MALRD1: variants seen among roughly 807,000 people sequenced by gnomAD.
MALRD1 encodes MAM and LDL receptor class A domain containing 1.
Under a neutral mutation model 242.1 loss-of-function variants are expected in MALRD1, and 247 were observed. That is an observed-to-expected ratio of 1.02 (90% CI 0.92 to 1.13). The LOEUF is 1.13. Among genes scored for constraint, MALRD1 ranks in the 50% most tolerant of loss-of-function variants. The pLI is 0.00. For synonymous variants in MALRD1, 995 were observed against 866.6 expected (o/e 1.15, Z -2.60); for missense variants, 2,989 against 2,533.1 (o/e 1.18, Z -3.86).
chr10:19,077,882 T>G (rs542914649), intron 2 of MALRD1, among the ~76,000 whole-genome samples: 1 of 152,082 alleles, frequency 6.6e-6, no homozygotes, highest in East Asian at 1.9e-4. Context: ...ACAATGATAA[T>G]AAAATTCACT....
chr10:19,664,094 A>G (rs888431311), intron 36 of MALRD1, among the ~76,000 whole-genome samples: 2 of 151,996 alleles, frequency 1.3e-5, no homozygotes, highest in Non-Finnish European at 2.9e-5. Context: ...CTCTACCTTC[A>G]GAGTCTTCCA....
chr10:19,578,288 G>T (rs1836929700), intron 33 of MALRD1, among the ~76,000 whole-genome samples: 1 of 152,180 alleles, frequency 6.6e-6, no homozygotes, highest in African/African-American at 2.4e-5. Flanking sequence ...AGCTGAAAAT[G>T]AGGGCCTGGG....
At chr10:19,421,975 A>G (rs1833733998) in intron 28 of MALRD1, among the ~76,000 whole-genome samples, 1 of 152,238 alleles carries the variant, frequency 6.6e-6, no homozygotes, top group South Asian at 2.1e-4. Flanking sequence ...TGATGCAACA[A>G]AAAATAATTA....
At chr10:19,702,222 T>G (rs968979922) in intron 38 of MALRD1, among the ~76,000 whole-genome samples, 1 of 152,210 alleles carries the variant, frequency 6.6e-6, no homozygotes, top group Non-Finnish European at 1.5e-5. Context: ...TTAGGAAATA[T>G]TCAAGTGATA....
chr10:19,096,305 G>T (rs949953709), intron 4 of MALRD1, among the ~76,000 whole-genome samples: 4 of 152,164 alleles, frequency 2.6e-5, no homozygotes, highest in African/African-American at 9.7e-5. Context: ...GGGTGATTCG[G>T]CTGTAGCTGA....
intron 32 of MALRD1, among the ~76,000 whole-genome samples, chr10:19,566,782 A>G (rs900252827): frequency 1.0e-3 from 157 of 151,868 alleles, no homozygotes; most frequent in Non-Finnish European, 5.9e-4. Context: ...TTTAGGTGCA[A>G]AAAGAGAATA....
chr10:19,402,562 C>A (rs1484444791), intron 28 of MALRD1, among the ~76,000 whole-genome samples: 4 of 152,122 alleles, frequency 2.6e-5, no homozygotes, highest in Admixed American at 6.6e-5. Flanking sequence ...AATTAAACTT[C>A]TTTCCTTTAT....
intron 28 of MALRD1, among the ~76,000 whole-genome samples, chr10:19,404,929 T>C (rs970451028): frequency 2.0e-5 from 3 of 152,190 alleles, no homozygotes; most frequent in African/African-American, 7.2e-5. Flanking sequence ...AAAGCAAATG[T>C]ACTAGTTGCT....
chr10:19,680,014 CTGTT>C (rs368662575), intron 36 of MALRD1, among the ~76,000 whole-genome samples: 23 of 151,802 alleles, frequency 1.5e-4, no homozygotes, highest in African/African-American at 4.8e-4. Context: ...GTCTGAGAGA[CTGTT>C]TGTTTCTTTT....
intron 21 of MALRD1, among the ~76,000 whole-genome samples, chr10:19,318,516 G>T (rs1588902327): frequency 7.0e-6 from 1 of 143,308 alleles, no homozygotes. Flanking sequence ...TTACCTTAGG[G>T]TTTTTTTTTT....
chr10:19,620,311 G>A (rs890017863), intron 36 of MALRD1, among the ~76,000 whole-genome samples: 35 of 151,920 alleles, frequency 2.3e-4, no homozygotes, highest in African/African-American at 7.7e-4. Context: ...TATCCTCACC[G>A]TCCTCCCACC....
At chr10:19,279,055 A>G (rs1840678509) in intron 19 of MALRD1, among the ~76,000 whole-genome samples, 1 of 152,116 alleles carries the variant, frequency 6.6e-6, no homozygotes, top group Admixed American at 6.6e-5. Context: ...TAGGCCCAGA[A>G]GCAGCGGCCT....
At position 19,060,242 on chromosome 10, in the gene MALRD1, G is replaced by A. The variant is rs576003378; in HGVS notation, c.200-6477G>A. Among the ~76,000 whole-genome samples the A allele has an allele frequency of 2.8e-4, 42 of 150,432 alleles. 1 individual carries two copies. The highest frequency in any genetic ancestry group is 5.8e-4 in the Non-Finnish European group (39 of 67,144). ...CTTCTGCCCCATGCAGTTGTTTTATGTACGTTATCTTACAGCAGTAAGAGG... is the reference window on the plus strand; with the variant it reads ...CTTCTGCCCCATGCAGTTGTTTTATATACGTTATCTTACAGCAGTAAGAGG... On this transcript the variant is annotated intron_variant, in intron 1 of 39. Coordinates refer to ENST00000454679, the MANE Select transcript of MALRD1 (RefSeq NM_001142308.3).
At chr10:19,176,460 C>T (rs963687000) in intron 14 of MALRD1, among the ~76,000 whole-genome samples, 1 of 141,988 alleles carries the variant, frequency 7.0e-6, no homozygotes, top group African/African-American at 2.6e-5. Flanking sequence ...CTGCAAGCTC[C>T]GCTTCCCGGG....
intron 28 of MALRD1, among the ~76,000 whole-genome samples, chr10:19,428,748 G>A (rs1834001339): frequency 6.6e-6 from 1 of 152,126 alleles, no homozygotes; most frequent in Admixed American, 6.5e-5. Flanking sequence ...ATACTGAAAT[G>A]TTTAAAGTTT....
chr10:19,609,021 A>G (rs559966547), intron 35 of MALRD1, among the ~76,000 whole-genome samples: 3 of 152,248 alleles, frequency 2.0e-5, no homozygotes, highest in Non-Finnish European at 4.4e-5. Context: ...TTATTTACAT[A>G]AAGACAAGAT....
At position 19,639,519 on chromosome 10, in the gene MALRD1, C is replaced by G. The variant is rs574034349; in HGVS notation, c.6137+23596C>G. Among the ~76,000 whole-genome samples, 6 of 152,316 alleles carry G rather than the reference C, an allele frequency of 3.9e-5. No individual in the cohort carries two copies. In the East Asian group the frequency reaches 1.2e-3, roughly 29 times the overall value. ...ATAACACTTCAAAATCGGAGTTTCACTCTGCACAGTATCCCTGAAGGAGTC... is the reference window on the plus strand; with the variant it reads ...ATAACACTTCAAAATCGGAGTTTCAGTCTGCACAGTATCCCTGAAGGAGTC... On this transcript the variant is annotated intron_variant, in intron 36 of 39. Coordinates refer to ENST00000454679, the MANE Select transcript of MALRD1 (RefSeq NM_001142308.3).
intron 32 of MALRD1, among the ~76,000 whole-genome samples, chr10:19,533,584 G>A (rs1021858486): frequency 2.0e-5 from 3 of 152,150 alleles, no homozygotes; most frequent in Non-Finnish European, 4.4e-5. Flanking sequence ...TTCTGATGAG[G>A]GTTCAAGAAG....
At chr10:19,438,249 C>A (rs1199097767) in intron 28 of MALRD1, among the ~76,000 whole-genome samples, 1 of 152,014 alleles carries the variant, frequency 6.6e-6, no homozygotes, top group African/African-American at 2.4e-5. Flanking sequence ...CTACTCTGCA[C>A]AATAGAAATA....
Sources: allele counts gnomAD v4.1 joint callset (sites outside exome capture counted in the v4.1 genomes callset), GRCh38; gene constraint gnomAD v4.1.1; transcripts MANE v1.5; gene names NCBI Gene and HGNC (gene_info 2026-07-23, HGNC 2026-07-21).